Variants in TBCK observed in about 807,000 individuals in gnomAD.
TBCK encodes TBC1 domain containing kinase, also known as TBC domain-containing protein kinase-like protein.
TBCK carries 99 observed loss-of-function variants against 113.4 expected under a neutral mutation model. That is an observed-to-expected ratio of 0.87 (90% CI 0.74 to 1.03). TBCK has a LOEUF of 1.03. Among genes scored for constraint, TBCK ranks in the 50% least tolerant of loss-of-function variants. TBCK has a pLI of 0.00. For missense variants in TBCK, 1,045 were observed against 1,061.3 expected, an observed-to-expected ratio of 0.98 and a Z score of 0.21; for synonymous variants, 369 against 370.8, an observed-to-expected ratio of 1.00 and a Z score of 0.05.
At chr4:106,273,840 TGA>T (rs1376619802) in intron 3 of TBCK, among the ~76,000 whole-genome samples, 2 of 152,214 alleles carry the variant, frequency 1.3e-5, no homozygotes, top group African/African-American at 4.8e-5. Context: ...CCTCCAGAGC[TGA>T]GAGAGAATAA....
intron 24 of TBCK, among the ~76,000 whole-genome samples, chr4:106,099,904 T>G (rs1274441353): frequency 6.6e-6 from 1 of 152,196 alleles, no homozygotes. Context: ...TGAGAAACTT[T>G]CTATGACTGC....
chr4:106,099,545 A>G (rs1387058148), intron 24 of TBCK, among the ~76,000 whole-genome samples: 1 of 152,126 alleles, frequency 6.6e-6, no homozygotes, highest in Non-Finnish European at 1.5e-5. Context: ...ACCATAACTA[A>G]ATAGCATTAA....
Position 106,260,503 on chromosome 4 carries a change from A to T in TBCK, c.389T>A (p.Ile130Asn), listed in dbSNP as rs1213724402. ...HNILLDRKGH[I>N]KLAKFGLYHM... ...ATAAAGTCCAAATTTAGCCAATTTA[A>T]TATGTCCCTATGATAATAAAGAAAA... Residue 130 changes from isoleucine (I) to asparagine (N), a missense_variant, in exon 5 of 26, where the codon ATT becomes AAT. Coordinates refer to ENST00000394708, the MANE Select transcript of TBCK (RefSeq NM_001163435.3). 8 of 1,278,340 alleles carry T rather than the reference A, an allele frequency of 6.3e-6. No individual in the cohort carries two copies. In the East Asian group the frequency reaches 2.0e-4, roughly 31 times the overall value. The allele number at this position is 1,278,340 out of a possible 1,614,324, so 79.2% of individuals were successfully genotyped here. A position where few individuals can be genotyped will look rare whatever the true frequency, so the allele number is the denominator to read the frequency against.
chr4:106,207,581 A>T (rs1755673671), intron 20 of TBCK, among the ~76,000 whole-genome samples: 1 of 152,218 alleles, frequency 6.6e-6, no homozygotes, highest in African/African-American at 2.4e-5. Context: ...TAATAGAGTT[A>T]AAAAATGTTT....
chr4:106,094,946 TAAAG>T (rs1740736768), intron 25 of TBCK, among the ~76,000 whole-genome samples: 1 of 152,194 alleles, frequency 6.6e-6, no homozygotes, highest in Admixed American at 6.5e-5. Context: ...TATTAAAAAA[TAAAG>T]ATATTTTTGG....
chr4:106,049,223 TC>T (rs1341297303), intron 25 of TBCK, among the ~76,000 whole-genome samples: 1 of 152,064 alleles, frequency 6.6e-6, no homozygotes, highest in Non-Finnish European at 1.5e-5. Flanking sequence ...CAGGCACTGT[TC>T]CAGTTTTTGG....
intron 23 of TBCK, among the ~76,000 whole-genome samples, chr4:106,130,168 T>C (rs1392543262): frequency 1.3e-5 from 2 of 152,200 alleles, no homozygotes; most frequent in African/African-American, 4.8e-5. Context: ...GGGTACTAAT[T>C]ATTGGTGATG....
At chr4:106,295,021 G>T in intron 3 of TBCK, 73 bp downstream of exon 3, 1 of 1,232,276 alleles carries the variant, frequency 8.1e-7, no homozygotes, top group Admixed American at 2.1e-5. Context: ...CCAAACCCCT[G>T]CAGTTTAAAC....
Position 106,242,488 on chromosome 4 carries a change from C to T in TBCK, c.1152G>A (p.Ser384=), listed in dbSNP as rs368612922. 13 of 1,603,370 alleles carry T rather than the reference C, an allele frequency of 8.1e-6. No homozygotes were observed. The highest frequency in any genetic ancestry group is 3.4e-5 in the Admixed American group (2 of 58,526). Residue 384 remains serine, a synonymous_variant, in exon 12 of 26, where the codon TCG becomes TCA. Coordinates refer to ENST00000394708, the MANE Select transcript of TBCK (RefSeq NM_001163435.3). ...TTCTTACATTTCTTAGCTGGCATAA[C>T]GACAATGTCACAGTGGTATCATCTA... is the stretch of plus-strand genomic sequence containing the variant. ...SLLDDTTVTL[S]LCQLRNRLKD...
chr4:106,273,618 C>T (rs369308342), intron 3 of TBCK, among the ~76,000 whole-genome samples: 7 of 152,032 alleles, frequency 4.6e-5, no homozygotes, highest in South Asian at 4.2e-4. Context: ...CAATGTCGAG[C>T]GTTCTTATAA....
intron 20 of TBCK, among the ~76,000 whole-genome samples, chr4:106,208,051 A>G (rs1464336052): frequency 1.3e-5 from 2 of 152,200 alleles, no homozygotes; most frequent in African/African-American, 4.8e-5. Context: ...GTTGGGGGTC[A>G]GGGATGCTCA....
At chr4:106,206,869 ATT>A (rs1432293573) in intron 20 of TBCK, among the ~76,000 whole-genome samples, 1 of 152,158 alleles carries the variant, frequency 6.6e-6, no homozygotes, top group Admixed American at 6.5e-5. Context: ...ATATCATGGA[ATT>A]TGTTAGCTTT....
chr4:106,056,800 C>T (rs1160744317), intron 25 of TBCK, among the ~76,000 whole-genome samples: 2 of 151,588 alleles, frequency 1.3e-5, no homozygotes, highest in Non-Finnish European at 3.0e-5. Context: ...TGGATCCCTT[C>T]CAAGAAATAG....
At chr4:106,237,418 A>T in intron 12 of TBCK, 1 of 440,634 alleles carries the variant, frequency 2.3e-6, no homozygotes. Context: ...CAAAATCATA[A>T]GCAGGAAGGC....
chr4:106,275,439 A>T (rs1169161840), intron 3 of TBCK, among the ~76,000 whole-genome samples: 1 of 152,174 alleles, frequency 6.6e-6, no homozygotes, highest in African/African-American at 2.4e-5. Flanking sequence ...AAATAGGTCA[A>T]GAACAAGAAA....
At chr4:106,296,235 G>A (rs1766288743) in intron 2 of TBCK, among the ~76,000 whole-genome samples, 1 of 152,182 alleles carries the variant, frequency 6.6e-6, no homozygotes, top group South Asian at 2.1e-4. Flanking sequence ...AGCTTTTGGG[G>A]ATTTGACAAG....
intron 23 of TBCK, among the ~76,000 whole-genome samples, chr4:106,160,592 AAG>A (rs1749655004): frequency 6.6e-6 from 1 of 151,414 alleles, no homozygotes; most frequent in South Asian, 2.1e-4. Context: ...AGAAGAAAAA[AAG>A]AAAAAAAATC....
rs554992865 is a variant in TBCK, at chr4:106,256,786, G to A, written c.455+3651C>T. ...TGGTAGTGGCCATCCCAGACAGGCC[G>A]CCACTGCCATCAATACCTGATTTGA... On this transcript the variant is annotated intron_variant, in intron 5 of 25. Transcript: ENST00000394708. Among the ~76,000 whole-genome samples the A allele has an allele frequency of 2.0e-5, 3 of 152,274 alleles. No homozygotes were observed. In the East Asian group the frequency reaches 5.8e-4, roughly 29 times the overall value.
chr4:106,159,564 A>G (rs1749519112), intron 23 of TBCK, among the ~76,000 whole-genome samples: 1 of 152,138 alleles, frequency 6.6e-6, no homozygotes, highest in Non-Finnish European at 1.5e-5. Context: ...ATACTTAGGA[A>G]TTAACCAGGG....
Sources: allele counts gnomAD v4.1 joint callset (sites outside exome capture counted in the v4.1 genomes callset), GRCh38; gene constraint gnomAD v4.1.1; transcripts MANE v1.5; gene names NCBI Gene and HGNC (gene_info 2026-07-23, HGNC 2026-07-21).